The following PPP2R5E variants were observed in gnomAD, a reference collection of about 807,000 sequenced individuals.
PPP2R5E encodes the protein protein phosphatase 2 regulatory subunit B'epsilon, also known as serine/threonine-protein phosphatase 2A 56 kDa regulatory subunit epsilon isoform.
In PPP2R5E, 4 loss-of-function variants were observed where a neutral mutation model predicts 65.3. The observed-to-expected ratio is 0.06, with a 90% CI of 0.03 to 0.14. The LOEUF is 0.14. PPP2R5E is among the 10% of genes least tolerant of loss of function. PPP2R5E has a pLI of 1.00. For missense variants in PPP2R5E, 274 were observed against 556.1 expected (o/e 0.49, Z 5.10); for synonymous variants, 183 against 187.4 (o/e 0.98, Z 0.19).
At chr14:63,496,248 A>G (rs1278203081) in intron 2 of PPP2R5E, among the ~76,000 whole-genome samples, 5 of 151,898 alleles carry the variant, frequency 3.3e-5, no homozygotes, top group African/African-American at 1.2e-4. Flanking sequence ...CATGCCTGTA[A>G]TCCCAGCACT....
intron 2 of PPP2R5E, among the ~76,000 whole-genome samples, chr14:63,463,297 G>A (rs1353711468): frequency 6.6e-6 from 1 of 150,816 alleles, no homozygotes; most frequent in Non-Finnish European, 1.5e-5. Context: ...GCACCACCAC[G>A]CCCAGCTAAT....
Position 63,543,222 on chromosome 14 carries a change from AAGG to A in PPP2R5E, c.-454_-452del, listed in dbSNP as rs1285860686. 6.5e-6 allele frequency: 1 copy of A among 153,468 alleles called. No individual in the cohort carries two copies. Among genetic ancestry groups the A allele is most frequent in the Non-Finnish European group, 1.5e-5 (1 of 68,908 alleles). 9.5% of individuals were successfully genotyped at this position (153,468 alleles called of 1,614,324 possible). A position where few individuals can be genotyped will look rare whatever the true frequency, so the allele number is the denominator to read the frequency against. ...CGGCAGCAAGAGAAGGGGACAGAAT[AAGG>A]AGGAGGAGCCGCAGGAGCTGGAGCC... On this transcript the variant is annotated 5_prime_UTR_variant, in exon 1 of 14. Coordinates refer to ENST00000337537, the MANE Select transcript of PPP2R5E (RefSeq NM_006246.5).
chr14:63,509,950 T>C (rs1376949642), intron 2 of PPP2R5E, among the ~76,000 whole-genome samples: 1 of 152,176 alleles, frequency 6.6e-6, no homozygotes, highest in African/African-American at 2.4e-5. Flanking sequence ...CACCACTACC[T>C]GAGCATCCAT....
At chr14:63,424,627 T>A (rs1887229772) in intron 3 of PPP2R5E, among the ~76,000 whole-genome samples, 1 of 151,782 alleles carries the variant, frequency 6.6e-6, no homozygotes, top group East Asian at 1.9e-4. Context: ...GGCGGGCGCC[T>A]GTAGTCCCAG....
At chr14:63,508,060 C>T in intron 2 of PPP2R5E, 1 of 817,652 alleles carries the variant, frequency 1.2e-6, no homozygotes, top group Non-Finnish European at 1.5e-6. Flanking sequence ...AATGTAATAG[C>T]CTGATCCAAG....
chr14:63,429,419 T>G (rs1341529264), intron 3 of PPP2R5E, among the ~76,000 whole-genome samples: 1 of 152,234 alleles, frequency 6.6e-6, no homozygotes, highest in Admixed American at 6.5e-5. Flanking sequence ...ATATGAATGA[T>G]GATAAACAGA....
rs117127509 is a variant in PPP2R5E, at chr14:63,411,642, G to A, written c.549+3498C>T. On this transcript the variant is annotated intron_variant, in intron 5 of 13. Transcript: ENST00000337537. Reference sequence around the variant, plus strand: ...GTGAGTTCTCACTCTATTAGCTACCGTGAGATGTGGTTGTTTAAAAAAAAA... The same window carrying A: ...GTGAGTTCTCACTCTATTAGCTACCATGAGATGTGGTTGTTTAAAAAAAAA... Among the ~76,000 whole-genome samples the A allele has an allele frequency of 8.5e-3, 1,139 of 134,684 alleles. 42 individuals carry two copies. In the East Asian group the frequency reaches 0.12, roughly 15 times the overall value. 88.4% of individuals were successfully genotyped at this position (134,684 alleles called of 152,430 possible). A position where few individuals can be genotyped will look rare whatever the true frequency, so the allele number is the denominator to read the frequency against.
chr14:63,422,685 G>A (rs61995012), intron 3 of PPP2R5E, among the ~76,000 whole-genome samples: 155 of 145,216 alleles, frequency 1.1e-3, no homozygotes, highest in Admixed American at 5.2e-3. Flanking sequence ...CGAGATCGCG[G>A]CACTGCACTC....
At chr14:63,530,899 G>T (rs998410526) in intron 2 of PPP2R5E, among the ~76,000 whole-genome samples, 2 of 152,058 alleles carry the variant, frequency 1.3e-5, no homozygotes, top group African/African-American at 2.4e-5. Flanking sequence ...TTACAGGTGT[G>T]AGCCACCGCG....
At chr14:63,487,492 T>C (rs989038410) in intron 2 of PPP2R5E, among the ~76,000 whole-genome samples, 3 of 152,138 alleles carry the variant, frequency 2.0e-5, no homozygotes, top group Non-Finnish European at 4.4e-5. Flanking sequence ...AGAAGGGAAG[T>C]GAAAAGTGTG....
chr14:63,450,831 GC>G (rs1888784354), intron 3 of PPP2R5E, among the ~76,000 whole-genome samples: 1 of 150,570 alleles, frequency 6.6e-6, no homozygotes, highest in Non-Finnish European at 1.5e-5. Flanking sequence ...TTGCCAAGAA[GC>G]AGAGGAACTG....
At chr14:63,479,765 G>A (rs774848289) in intron 2 of PPP2R5E, among the ~76,000 whole-genome samples, 5 of 152,138 alleles carry the variant, frequency 3.3e-5, no homozygotes, top group Admixed American at 1.3e-4. Context: ...TGAAACTGAT[G>A]GAGAGGGAAG....
chr14:63,438,601 A>T (rs1366950140), intron 3 of PPP2R5E, among the ~76,000 whole-genome samples: 1 of 152,172 alleles, frequency 6.6e-6, no homozygotes, highest in Admixed American at 6.5e-5. Context: ...TTACAGTGAG[A>T]TATTATTGGA....
chr14:63,382,747 T>C (rs1253299529), intron 12 of PPP2R5E, among the ~76,000 whole-genome samples: 1 of 152,192 alleles, frequency 6.6e-6, no homozygotes, highest in Non-Finnish European at 1.5e-5. Context: ...CTGTGGGCAT[T>C]TGATAATTTC....
rs762266723 is a variant in PPP2R5E, at chr14:63,493,894, G to A, written c.158-40009C>T. On this transcript the variant is annotated intron_variant, in intron 2 of 13. Coordinates refer to ENST00000337537, the MANE Select transcript of PPP2R5E (RefSeq NM_006246.5). ...AGATGATGTTCCAACTCCTAAAGTC[G>A]GGTTACTTGTTCTTTTTAAAATTAT... Among the ~76,000 whole-genome samples the A allele has an allele frequency of 4.6e-5, 7 of 152,112 alleles. 1 individual carries two copies. The highest frequency in any genetic ancestry group is 7.2e-5 in the African/African-American group (3 of 41,496).
intron 2 of PPP2R5E, among the ~76,000 whole-genome samples, chr14:63,465,447 C>T (rs1302787452): frequency 1.1e-5 from 1 of 90,614 alleles, no homozygotes; most frequent in Non-Finnish European, 2.0e-5. Context: ...AACTCCACCT[C>T]TACAAAAAAA....
At chr14:63,417,253 A>T (rs977484249) in intron 4 of PPP2R5E, among the ~76,000 whole-genome samples, 1 of 152,228 alleles carries the variant, frequency 6.6e-6, no homozygotes, top group African/African-American at 2.4e-5. Flanking sequence ...TTATTTTTAA[A>T]AAGTCTTTAA....
chr14:63,431,657 T>C (rs1366199257), intron 3 of PPP2R5E, among the ~76,000 whole-genome samples: 1 of 152,212 alleles, frequency 6.6e-6, no homozygotes, highest in Non-Finnish European at 1.5e-5. Flanking sequence ...TCTATACTTT[T>C]GTGAAGACAT....
chr14:63,397,630 T>G (rs989669209), intron 5 of PPP2R5E, among the ~76,000 whole-genome samples: 1 of 152,032 alleles, frequency 6.6e-6, no homozygotes, highest in African/African-American at 2.4e-5. Flanking sequence ...TGGTCCTTTT[T>G]AGATCCAGAC....
Sources: gnomAD v4.1 joint callset for allele counts (sites outside exome capture counted in the v4.1 genomes callset) on GRCh38, gnomAD v4.1.1 for gene constraint, MANE v1.5 for transcripts, NCBI Gene and HGNC (gene_info 2026-07-23, HGNC 2026-07-21) for gene names.